The following EPHA6 variants were observed in gnomAD, a reference collection of about 807,000 sequenced individuals.
The protein encoded by EPHA6 is ephrin type-A receptor 6.
In EPHA6, 50 loss-of-function variants were observed where a neutral mutation model predicts 112.0. That is an observed-to-expected ratio of 0.45 (90% CI 0.36 to 0.56). The LOEUF is 0.56. EPHA6 is among the 20% of genes least tolerant of loss of function. The probability of loss-of-function intolerance (pLI) is 0.00; values close to 1 mark genes in which losing one functional copy is unlikely to be tolerated. For synonymous variants in EPHA6, 529 were observed against 490.7 expected, an observed-to-expected ratio of 1.08 and a Z score of -1.03; for missense variants, 1,280 against 1,417.4, an observed-to-expected ratio of 0.90 and a Z score of 1.56.
intron 3 of EPHA6, among the ~76,000 whole-genome samples, chr3:97,109,049 C>G (rs2047645675): frequency 6.6e-6 from 1 of 152,134 alleles, no homozygotes; most frequent in Non-Finnish European, 1.5e-5. Flanking sequence ...ATTGCACTTG[C>G]AACAATCTTT....
At chr3:97,265,718 A>G (rs2079656655) in intron 5 of EPHA6, among the ~76,000 whole-genome samples, 1 of 152,170 alleles carries the variant, frequency 6.6e-6, no homozygotes, top group South Asian at 2.1e-4. Context: ...GCGGTTCCCC[A>G]CAGCCTGTGG....
chr3:97,641,129 T>C (rs894355908), intron 14 of EPHA6, among the ~76,000 whole-genome samples: 5 of 152,190 alleles, frequency 3.3e-5, no homozygotes, highest in African/African-American at 9.6e-5. Context: ...ACCTGGCTAA[T>C]GGTATTAGAT....
chr3:97,398,268 T>C (rs2086800219), intron 5 of EPHA6, among the ~76,000 whole-genome samples: 1 of 151,484 alleles, frequency 6.6e-6, no homozygotes, highest in Non-Finnish European at 1.5e-5. Flanking sequence ...TAAGATTGTA[T>C]ATATGAAAAT....
chr3:97,091,094 A>G (rs914481834), intron 3 of EPHA6, among the ~76,000 whole-genome samples: 1 of 152,054 alleles, frequency 6.6e-6, no homozygotes, highest in African/African-American at 2.4e-5. Context: ...TCCCTCTTCC[A>G]TTTTCCCAGG....
intron 11 of EPHA6, among the ~76,000 whole-genome samples, chr3:97,551,501 G>C (rs1404325164): frequency 6.6e-6 from 1 of 151,844 alleles, no homozygotes; most frequent in Non-Finnish European, 1.5e-5. Flanking sequence ...TTGCTGTTTT[G>C]GGATTCTTAG....
At chr3:96,925,332 C>A (rs2039977213) in intron 2 of EPHA6, among the ~76,000 whole-genome samples, 1 of 152,042 alleles carries the variant, frequency 6.6e-6, no homozygotes, top group Admixed American at 6.6e-5. Context: ...AACTCGTTAT[C>A]AGTCTATTGA....
intron 12 of EPHA6, among the ~76,000 whole-genome samples, chr3:97,608,582 T>C (rs2093696184): frequency 6.6e-6 from 1 of 151,308 alleles, no homozygotes; most frequent in Admixed American, 6.6e-5. Context: ...ATGAGAAATA[T>C]CACTGTGAGA....
At chr3:97,042,491 A>G (rs2045351499) in intron 3 of EPHA6, among the ~76,000 whole-genome samples, 1 of 152,146 alleles carries the variant, frequency 6.6e-6, no homozygotes, top group African/African-American at 2.4e-5. Flanking sequence ...AAATGCCCTC[A>G]TACAGTGTGG....
rs907152406 is a variant in EPHA6, at chr3:97,757,624, A to C, written c.*8923A>C. 6.6e-6 allele frequency among the ~76,000 whole-genome samples: 1 copy of C among 151,760 alleles called. No homozygotes were observed. The highest frequency in any genetic ancestry group is 1.5e-5 in the Non-Finnish European group (1 of 67,738). ...ATAGTATATATAAAGATGCATAAAA[A>C]AGGAACTTACTTGATACCGTCTTTT... is the stretch of plus-strand genomic sequence containing the variant. On this transcript the variant is annotated 3_prime_UTR_variant, in exon 18 of 18. Coordinates refer to ENST00000389672, the MANE Select transcript of EPHA6 (RefSeq NM_001080448.3).
At chr3:97,711,949 AC>A (rs1476798724) in intron 14 of EPHA6, among the ~76,000 whole-genome samples, 7 of 152,220 alleles carry the variant, frequency 4.6e-5, no homozygotes, top group African/African-American at 1.7e-4. Context: ...AAAGCAAAGT[AC>A]CCACTCTTTA....
intron 14 of EPHA6, among the ~76,000 whole-genome samples, chr3:97,649,721 G>A (rs2094093912): frequency 6.6e-6 from 1 of 151,450 alleles, no homozygotes; most frequent in South Asian, 2.1e-4. Context: ...CATCTATTAA[G>A]AAAAGAGCTA....
intron 2 of EPHA6, among the ~76,000 whole-genome samples, chr3:96,919,481 G>A (rs183309448): frequency 1.4e-3 from 216 of 151,906 alleles, no homozygotes; most frequent in Middle Eastern, 3.4e-3. Context: ...AAGGAGTGTT[G>A]TCTCTTGCTT....
At chr3:96,847,409 A>C (rs983385189) in intron 1 of EPHA6, among the ~76,000 whole-genome samples, 3 of 152,064 alleles carry the variant, frequency 2.0e-5, no homozygotes, top group African/African-American at 4.8e-5. Flanking sequence ...CTATTCCAAA[A>C]TGGTAGGATG....
chr3:97,247,173 G>A lies in EPHA6; in HGVS notation c.1606+2886G>A, dbSNP rs112075832. 2.4e-3 allele frequency among the ~76,000 whole-genome samples: 360 copies of A among 152,022 alleles called. 3 individuals carry two copies. The highest frequency in any genetic ancestry group is 8.1e-3 in the African/African-American group (335 of 41,516). Reference sequence around the variant, plus strand: ...AATTGCAAAAACTATCTGATAACACGTTACGATTTCACTGGACTGAGAGGA... The same window carrying A: ...AATTGCAAAAACTATCTGATAACACATTACGATTTCACTGGACTGAGAGGA... On this transcript the variant is annotated intron_variant, in intron 5 of 17. Transcript: ENST00000389672.
chr3:96,907,392 A>G (rs993327801), intron 2 of EPHA6, among the ~76,000 whole-genome samples: 4 of 151,770 alleles, frequency 2.6e-5, no homozygotes, highest in Non-Finnish European at 4.4e-5. Context: ...ATGATTATAG[A>G]AAACTTAAAA....
chr3:97,059,819 G>A (rs1303108536), intron 3 of EPHA6, among the ~76,000 whole-genome samples: 1 of 151,598 alleles, frequency 6.6e-6, no homozygotes, highest in African/African-American at 2.4e-5. Flanking sequence ...CATATCCATA[G>A]TAAAATAAGA....
At chr3:97,717,515 T>C (rs2034302821) in intron 14 of EPHA6, among the ~76,000 whole-genome samples, 2 of 152,180 alleles carry the variant, frequency 1.3e-5, no homozygotes, top group African/African-American at 2.4e-5. Flanking sequence ...GATGGCTTCT[T>C]CTTGAGGATG....
chr3:97,627,864 A>G (rs1289915676), intron 13 of EPHA6, among the ~76,000 whole-genome samples: 3 of 151,966 alleles, frequency 2.0e-5, no homozygotes, highest in African/African-American at 7.2e-5. Flanking sequence ...CCCCAGACCA[A>G]TGAAATCAAA....
chr3:96,979,999 G>A (rs1003798029), intron 2 of EPHA6, among the ~76,000 whole-genome samples: 13 of 152,110 alleles, frequency 8.5e-5, no homozygotes, highest in African/African-American at 3.1e-4. Context: ...CATTCTGTAG[G>A]TTGCCTGTTC....
Sources: allele counts gnomAD v4.1 joint callset (sites outside exome capture counted in the v4.1 genomes callset), GRCh38; gene constraint gnomAD v4.1.1; transcripts MANE v1.5; gene names NCBI Gene and HGNC (gene_info 2026-07-23, HGNC 2026-07-21).